Variants in PDSS2 observed in about 807,000 individuals in gnomAD.
PDSS2 encodes the protein all trans-polyprenyl-diphosphate synthase PDSS2.
Under a neutral mutation model 44.5 loss-of-function variants are expected in PDSS2, and 31 were observed. The observed-to-expected ratio is 0.70, with a 90% confidence interval of 0.52 to 0.94. PDSS2 has a LOEUF of 0.94. Among genes scored for constraint, PDSS2 ranks in the 40% least tolerant of loss-of-function variants. The pLI is 0.00. For synonymous variants in PDSS2, 157 were observed against 180.3 expected, an observed-to-expected ratio of 0.87 and a Z score of 1.03; for missense variants, 452 against 482.2, an observed-to-expected ratio of 0.94 and a Z score of 0.59.
At chr6:107,404,975 CAG>C (rs375341294) in intron 1 of PDSS2, among the ~76,000 whole-genome samples, 7 of 152,174 alleles carry the variant, frequency 4.6e-5, no homozygotes, top group African/African-American at 1.4e-4. Context: ...CACTTCAACA[CAG>C]AGTCATCAGA....
intron 3 of PDSS2, among the ~76,000 whole-genome samples, chr6:107,250,932 T>C (rs975789819): frequency 9.2e-5 from 14 of 152,152 alleles, no homozygotes; most frequent in African/African-American, 3.4e-4. Context: ...CTCAGCTCAC[T>C]GCAACTTCCA....
intron 4 of PDSS2, among the ~76,000 whole-genome samples, chr6:107,241,947 C>G (rs1446224172): frequency 6.6e-6 from 1 of 152,152 alleles, no homozygotes; most frequent in African/African-American, 2.4e-5. Context: ...CACAGAGGAG[C>G]CTCTCTTCCC....
intron 1 of PDSS2, among the ~76,000 whole-genome samples, chr6:107,368,303 C>G (rs1254149791): frequency 1.3e-5 from 2 of 150,638 alleles, no homozygotes; most frequent in Non-Finnish European, 3.0e-5. Flanking sequence ...TTCTATATAT[C>G]AGCAACAAAT....
At chr6:107,358,858 A>T (rs1778670008) in intron 1 of PDSS2, among the ~76,000 whole-genome samples, 1 of 152,096 alleles carries the variant, frequency 6.6e-6, no homozygotes, top group Non-Finnish European at 1.5e-5. Context: ...GTCTCTAGAT[A>T]TTGGCAAATG....
intron 1 of PDSS2, among the ~76,000 whole-genome samples, chr6:107,340,921 A>G (rs1778059441): frequency 6.6e-6 from 1 of 152,150 alleles, no homozygotes; most frequent in African/African-American, 2.4e-5. Flanking sequence ...CAGACAACCT[A>G]AAGAGTGAAG....
At chr6:107,449,511 C>T (rs974042009) in intron 1 of PDSS2, among the ~76,000 whole-genome samples, 8 of 152,186 alleles carry the variant, frequency 5.3e-5, no homozygotes, top group Non-Finnish European at 8.8e-5. Context: ...AATTTGACTA[C>T]TCTAGACACT....
chr6:107,261,916 T>C (rs1045834063), intron 3 of PDSS2, among the ~76,000 whole-genome samples: 1 of 141,672 alleles, frequency 7.1e-6, no homozygotes, highest in African/African-American at 2.6e-5. Flanking sequence ...TCTTTTTTTT[T>C]TTTTTTTTTT....
intron 2 of PDSS2, among the ~76,000 whole-genome samples, chr6:107,285,098 T>C (rs574954518): frequency 3.9e-5 from 6 of 152,304 alleles, no homozygotes; most frequent in Non-Finnish European, 8.8e-5. Context: ...AATAGAAAAC[T>C]AATAAATATC....
intron 2 of PDSS2, among the ~76,000 whole-genome samples, chr6:107,281,423 A>G (rs907917051): frequency 7.9e-5 from 12 of 152,206 alleles, no homozygotes; most frequent in African/African-American, 2.9e-4. Context: ...AGCCAAATAC[A>G]TTCTGAGAAG....
intron 2 of PDSS2, among the ~76,000 whole-genome samples, chr6:107,310,149 G>C (rs1053737183): frequency 6.6e-6 from 1 of 151,994 alleles, no homozygotes; most frequent in African/African-American, 2.4e-5. Flanking sequence ...GCTGGGTGTG[G>C]TGGCAGGCGC....
At chr6:107,405,899 G>C (rs567352785) in intron 1 of PDSS2, among the ~76,000 whole-genome samples, 3 of 149,520 alleles carry the variant, frequency 2.0e-5, no homozygotes, top group Non-Finnish European at 3.0e-5. Context: ...AAAACAACCT[G>C]AACCAACTAT....
intron 1 of PDSS2, among the ~76,000 whole-genome samples, chr6:107,383,298 CAAAAAAAA>C (rs35910650): frequency 1.1e-3 from 31 of 28,432 alleles, no homozygotes; most frequent in South Asian, 4.4e-3. Context: ...GACTCCATCT[CAAAAAAAA>C]AAAAAAAAAA....
intron 3 of PDSS2, among the ~76,000 whole-genome samples, chr6:107,260,187 G>A (rs1775168005): frequency 6.6e-6 from 1 of 152,144 alleles, no homozygotes; most frequent in Non-Finnish European, 1.5e-5. Flanking sequence ...ATGACCTGTT[G>A]GGCTAATGGC....
chr6:107,418,762 A>C (rs969117489), intron 1 of PDSS2, among the ~76,000 whole-genome samples: 2 of 152,150 alleles, frequency 1.3e-5, no homozygotes, highest in Non-Finnish European at 2.9e-5. Context: ...GCAACACAGC[A>C]AGACTCTGTC....
At chr6:107,267,710 T>C (rs1435485953) in intron 3 of PDSS2, among the ~76,000 whole-genome samples, 1 of 151,700 alleles carries the variant, frequency 6.6e-6, no homozygotes, top group African/African-American at 2.4e-5. Flanking sequence ...CTCAGCCTGC[T>C]GAGTAGCTAG....
At chr6:107,250,304 C>T (rs1774773312) in intron 3 of PDSS2, among the ~76,000 whole-genome samples, 1 of 151,616 alleles carries the variant, frequency 6.6e-6, no homozygotes, top group Non-Finnish European at 1.5e-5. Context: ...AAAATGAGGT[C>T]AATCTATGTG....
chr6:107,309,701 T>C (rs1275668316), intron 2 of PDSS2, among the ~76,000 whole-genome samples: 1 of 152,222 alleles, frequency 6.6e-6, no homozygotes, highest in Non-Finnish European at 1.5e-5. Context: ...TGCAATTCCA[T>C]TTCTCTGTGT....
At chr6:107,414,880 A>C (rs1780610927) in intron 1 of PDSS2, among the ~76,000 whole-genome samples, 1 of 152,202 alleles carries the variant, frequency 6.6e-6, no homozygotes, top group Admixed American at 6.5e-5. Flanking sequence ...GGCTGAACAT[A>C]CTAAAAGGAG....
At chr6:107,225,260 C>A (rs1773781953) in intron 4 of PDSS2, among the ~76,000 whole-genome samples, 1 of 143,994 alleles carries the variant, frequency 6.9e-6, no homozygotes, top group African/African-American at 2.7e-5. Context: ...GCAACCTCCG[C>A]CTCCCGGGTT....
Sources: allele counts gnomAD v4.1 joint callset (sites outside exome capture counted in the v4.1 genomes callset), GRCh38; gene constraint gnomAD v4.1.1; transcripts MANE v1.5; gene names NCBI Gene and HGNC (gene_info 2026-07-23, HGNC 2026-07-21).